Variants in PCSK5 observed in about 807,000 individuals in gnomAD.
PCSK5 encodes prohormone convertase 5.
A neutral mutation model predicts 233.2 loss-of-function variants in PCSK5; 129 were observed. That is an observed-to-expected ratio of 0.55 (90% CI 0.48 to 0.64). PCSK5 has a LOEUF of 0.64. Ranked by LOEUF, PCSK5 falls within the 30% of genes least tolerant of loss-of-function variation. The pLI is 0.00. For synonymous variants in PCSK5, 825 were observed against 879.2 expected, an observed-to-expected ratio of 0.94 and a Z score of 1.09; for missense variants, 2,076 against 2,430.1, an observed-to-expected ratio of 0.85 and a Z score of 3.06.
intron 24 of PCSK5, among the ~76,000 whole-genome samples, chr9:76,260,090 G>A: frequency 6.6e-6 from 1 of 152,194 alleles, no homozygotes; most frequent in Non-Finnish European, 1.5e-5. Context: ...TCCCAGCTTA[G>A]ATAAATCCTT....
chr9:75,957,100 A>T (rs1371834006), intron 2 of PCSK5, among the ~76,000 whole-genome samples: 1 of 152,184 alleles, frequency 6.6e-6, no homozygotes, highest in East Asian at 1.9e-4. Context: ...TCAGCGAGTT[A>T]TAAGTCAAAT....
intron 9 of PCSK5, among the ~76,000 whole-genome samples, chr9:76,117,498 A>G (rs1466740186): frequency 6.6e-6 from 1 of 152,168 alleles, no homozygotes; most frequent in African/African-American, 2.4e-5. Flanking sequence ...AAAGTGATTC[A>G]ACTTACACTT....
At chr9:76,097,254 T>TTTC (rs1245426202) in intron 8 of PCSK5, among the ~76,000 whole-genome samples, 3 of 117,872 alleles carry the variant, frequency 2.5e-5, no homozygotes, top group South Asian at 3.5e-4. Flanking sequence ...TTCTTTTTTT[T>TTTC]TTTTTTTTTT....
intron 24 of PCSK5, among the ~76,000 whole-genome samples, chr9:76,258,262 A>G (rs1048664750): frequency 4.6e-5 from 7 of 152,216 alleles, no homozygotes; most frequent in Non-Finnish European, 7.3e-5. Context: ...TATGCCCTCA[A>G]ATAATTGCTA....
chr9:76,150,370 ACACCTGTAATCC>A (rs1214239372), intron 10 of PCSK5, among the ~76,000 whole-genome samples: 1 of 152,212 alleles, frequency 6.6e-6, no homozygotes, highest in Admixed American at 6.5e-5. Flanking sequence ...GCAGTGGCTC[ACACCTGTAATCC>A]CAAAAGTTTG....
intron 23 of PCSK5, 134 bp downstream of exon 23, chr9:76,239,299 C>A (rs1403147630): frequency 5.9e-6 from 4 of 674,070 alleles, no homozygotes; most frequent in East Asian, 2.7e-5. Context: ...GACTCCCAAC[C>A]CTAGTGGGGA....
At chr9:76,129,358 A>G (rs111637317) in intron 9 of PCSK5, among the ~76,000 whole-genome samples, 201 of 152,174 alleles carry the variant, frequency 1.3e-3, no homozygotes, top group African/African-American at 4.6e-3. Context: ...TGATCATGCT[A>G]TTTTTCCCAT....
chr9:76,160,259 C>T (rs1158421762), intron 12 of PCSK5, among the ~76,000 whole-genome samples: 21 of 152,116 alleles, frequency 1.4e-4, no homozygotes, highest in Admixed American at 1.4e-3. Flanking sequence ...ACAATGTGGC[C>T]AGAATGTTCT....
At chr9:76,068,189 CCATGTTAG>C in intron 6 of PCSK5, 146 bp downstream of exon 6, 1 of 584,926 alleles carries the variant, frequency 1.7e-6, no homozygotes, top group South Asian at 2.2e-5. Flanking sequence ...CCCAACATGA[CCATGTTAG>C]CATGCGCCTT....
At chr9:76,312,513 A>G (rs1828892790) in intron 30 of PCSK5, among the ~76,000 whole-genome samples, 1 of 151,960 alleles carries the variant, frequency 6.6e-6, no homozygotes, top group African/African-American at 2.4e-5. Flanking sequence ...CCATCTCAAA[A>G]AAAAAAAAAA....
intron 1 of PCSK5, among the ~76,000 whole-genome samples, chr9:75,910,131 C>G (rs1321545123): frequency 6.6e-6 from 1 of 152,212 alleles, no homozygotes; most frequent in Non-Finnish European, 1.5e-5. Flanking sequence ...TCAGTTCACT[C>G]TAGTGGAACC....
In PCSK5 at chr9:76,017,929, T is replaced by TA. The variant is rs199755104; in HGVS notation, c.412-5808dup. Among the ~76,000 whole-genome samples the TA allele has an allele frequency of 8.0e-3, 1,206 of 150,850 alleles. 10 individuals are homozygous for TA. Among genetic ancestry groups the TA allele is most frequent in the Middle Eastern group, 0.041 (12 of 292 alleles). ...ATACCTCAAAAAGAACCCATCAACT[T>TA]ACGGCCTTCCTCACACGTGTCGAAT... On this transcript the variant is annotated intron_variant, in intron 3 of 37. Transcript: ENST00000674117.
chr9:76,027,750 T>C lies in PCSK5; in HGVS notation c.632+713T>C, dbSNP rs147424451. ...ACATAATGACCCAGATTCCTTACAA[T>C]ATTAGTAGACATTTCTAATCTCTAA... On this transcript the variant is annotated intron_variant, in intron 5 of 37. Transcript: ENST00000674117. 7.2e-4 allele frequency among the ~76,000 whole-genome samples: 110 copies of C among 152,270 alleles called. 1 individual carries two copies. Among genetic ancestry groups the C allele is most frequent in the South Asian group, 1.5e-3 (7 of 4,824 alleles).
Position 76,338,277 on chromosome 9 carries a change from G to A in PCSK5, c.4796G>A (p.Ser1599Asn), listed in dbSNP as rs753175155. Residue 1599 changes from serine (S) to asparagine (N), a missense_variant, in exon 35 of 38, where the codon AGC becomes AAC. Physicochemically the swap from Ser to Asn is conservative, Grantham distance 46 (BLOSUM62 1). Transcript: ENST00000674117. ...STGRCERCNR[S>N]CKGCQGPRPT... ...GGCCGGTGTGAGAGGTGCAACAGGA[G>A]CTGCAAGGGGTGCCAGGGCCCACGG... The A allele has an allele frequency of 1.9e-6, 3 of 1,612,686 alleles. No homozygotes were observed. Among genetic ancestry groups the A allele is most frequent in the Admixed American group, 3.3e-5 (2 of 60,000 alleles).
chr9:76,296,084 G>C (rs1828428860), intron 26 of PCSK5, among the ~76,000 whole-genome samples: 1 of 152,178 alleles, frequency 6.6e-6, no homozygotes, highest in East Asian at 1.9e-4. Context: ...CTTAGGTAAA[G>C]TGTTGGATTT....
intron 1 of PCSK5, among the ~76,000 whole-genome samples, chr9:75,908,656 G>C (rs1705635261): frequency 1.3e-5 from 2 of 152,060 alleles, no homozygotes; most frequent in Admixed American, 1.3e-4. Context: ...TCACTGCCGG[G>C]ACATCCACAT....
intron 32 of PCSK5, among the ~76,000 whole-genome samples, chr9:76,324,234 GTTA>G (rs1829295186): frequency 6.6e-6 from 1 of 151,374 alleles, no homozygotes; most frequent in South Asian, 2.1e-4. Flanking sequence ...TCCATATTTT[GTTA>G]TTGTTGTTCT....
intron 5 of PCSK5, among the ~76,000 whole-genome samples, chr9:76,031,684 G>A (rs1325021726): frequency 6.6e-6 from 1 of 152,050 alleles, no homozygotes; most frequent in Admixed American, 6.6e-5. Flanking sequence ...GCGAGACCCT[G>A]TCTCAAAAAA....
intron 9 of PCSK5, among the ~76,000 whole-genome samples, chr9:76,118,602 C>T (rs1403080599): frequency 6.8e-6 from 1 of 148,018 alleles, no homozygotes; most frequent in Non-Finnish European, 1.5e-5. Flanking sequence ...AAGAGCAATC[C>T]CATGACCATT....
Sources: gnomAD v4.1 joint callset for allele counts (sites outside exome capture counted in the v4.1 genomes callset) on GRCh38, gnomAD v4.1.1 for gene constraint, MANE v1.5 for transcripts, NCBI Gene and HGNC (gene_info 2026-07-23, HGNC 2026-07-21) for gene names.